SCN1A: variants seen among roughly 807,000 people sequenced by gnomAD.
SCN1A encodes sodium voltage-gated channel alpha subunit 1.
SCN1A carries 13 observed loss-of-function variants against 193.7 expected under a neutral mutation model. The observed-to-expected ratio is 0.07, with a 90% CI of 0.04 to 0.11. The LOEUF (loss-of-function observed/expected upper bound fraction) is 0.11, where lower values mean the gene tolerates loss of function less well. Among genes scored for constraint, SCN1A ranks in the 10% least tolerant of loss-of-function variants. The probability of loss-of-function intolerance (pLI) is 1.00; values close to 1 mark genes in which losing one functional copy is unlikely to be tolerated. For synonymous variants in SCN1A, 781 were observed against 843.6 expected (o/e 0.93, Z 1.29); for missense variants, 1,432 against 2,451.1 (o/e 0.58, Z 8.78).
rs887587454 is a variant in SCN1A, at chr2:165,990,335, A to C, written c.*910T>G. On this transcript the variant is annotated 3_prime_UTR_variant, in exon 29 of 29. Coordinates refer to ENST00000674923, the MANE Select transcript of SCN1A (RefSeq NM_001165963.4). ...CTGAGAGCCGAAGATGGCTAAACAAAGTGCAGGAAAAAGCAGAAATTTATA... is the reference window on the plus strand; with the variant it reads ...CTGAGAGCCGAAGATGGCTAAACAACGTGCAGGAAAAAGCAGAAATTTATA... The C allele has an allele frequency of 5.9e-5, 9 of 152,720 alleles. No individual in the cohort carries two copies. The highest frequency in any genetic ancestry group is 1.9e-4 in the African/African-American group (8 of 41,582). 9.5% of individuals were successfully genotyped at this position (152,720 alleles called of 1,614,324 possible). A position where few individuals can be genotyped will look rare whatever the true frequency, so the allele number is the denominator to read the frequency against.
chr2:166,015,921 C>G (rs1559153822), intron 19 of SCN1A, 194 bp from the exon 20 acceptor site: 1 of 604,022 alleles, frequency 1.7e-6, no homozygotes, highest in Non-Finnish European at 2.8e-6. Context: ...CCATAATTCA[C>G]AATGTAAGCT....
intron 21 of SCN1A, among the ~76,000 whole-genome samples, chr2:166,012,764 G>A (rs1692700391): frequency 6.7e-6 from 1 of 149,722 alleles, no homozygotes; most frequent in South Asian, 2.1e-4. Flanking sequence ...GTTGTTGTTT[G>A]TTATTTTTTT....
chr2:166,116,073 T>C (rs1406454140), intron 2 of SCN1A, among the ~76,000 whole-genome samples: 1 of 152,188 alleles, frequency 6.6e-6, no homozygotes, highest in African/African-American at 2.4e-5. Context: ...AGATCGACCA[T>C]GGGGTAAGAA....
Position 166,110,179 on chromosome 2 carries a change from AT to A in SCN1A, c.-142+16744del, listed in dbSNP as rs869286382. Among the ~76,000 whole-genome samples, 755 of 147,426 alleles carry A rather than the reference AT, an allele frequency of 5.1e-3. 9 individuals are homozygous for A. Among genetic ancestry groups the A allele is most frequent in the African/African-American group, 0.015 (604 of 40,450 alleles). ...CTATGTAGCCATACAAATAAAAAAA[AT>A]TTTTTTTTAATCCCTACAATGGCCT... On this transcript the variant is annotated intron_variant, in intron 2 of 28. Transcript: ENST00000674923.
intron 2 of SCN1A, among the ~76,000 whole-genome samples, chr2:166,091,966 C>G (rs1464873671): frequency 6.6e-6 from 1 of 152,130 alleles, no homozygotes; most frequent in African/African-American, 2.4e-5. Context: ...GTCCTTCCCA[C>G]CCATCTCATT....
At chr2:166,124,997 G>A (rs1045928674) in intron 2 of SCN1A, among the ~76,000 whole-genome samples, 4 of 152,164 alleles carry the variant, frequency 2.6e-5, no homozygotes, top group African/African-American at 9.7e-5. Context: ...TAGGAATGTG[G>A]ACAAAATTTA....
At chr2:166,104,849 GCTA>G (rs1688519057) in intron 2 of SCN1A, among the ~76,000 whole-genome samples, 1 of 152,190 alleles carries the variant, frequency 6.6e-6, no homozygotes, top group Non-Finnish European at 1.5e-5. Context: ...AGCCGATTTG[GCTA>G]CTTTGTGTTG....
intron 1 of SCN1A, among the ~76,000 whole-genome samples, chr2:166,147,779 G>A (rs1249778646): frequency 1.3e-5 from 2 of 152,180 alleles, no homozygotes; most frequent in African/African-American, 2.4e-5. Flanking sequence ...ACAATTGTAA[G>A]TGGTATATTT....
intron 11 of SCN1A, 93 bp from the exon 12 acceptor site, chr2:166,047,069 G>A: frequency 7.3e-7 from 1 of 1,363,736 alleles, no homozygotes; most frequent in Non-Finnish European, 1.0e-6. Context: ...GCAAAACTCA[G>A]ATATAAATAG....
rs1446706549 is a variant in SCN1A at position 166,147,924 on chromosome 2, T to G, written c.-50+1123A>C. On this transcript the variant is annotated intron_variant, in intron 1 of 26. Transcript: ENST00000635750. ...TAAAATGCAAGAAATTTTAGATACT[T>G]TAAAACTACCTGTTTACCTAGAAAG... Among the ~76,000 whole-genome samples the G allele has an allele frequency of 6.6e-5, 10 of 152,336 alleles. No individual in the cohort carries two copies. In the East Asian group the frequency reaches 1.2e-3, roughly 18 times the overall value.
chr2:166,042,424 C>T lies in SCN1A; in HGVS notation c.2044G>A (p.Gly682Arg), dbSNP rs1398374184. Residue 682 changes from glycine (G) to arginine (R), a missense_variant and splice_region_variant, in exon 15 of 29, where the codon GGA becomes AGA. Gly to Arg is a moderately radical substitution (Grantham distance 125). Coordinates refer to ENST00000674923, the MANE Select transcript of SCN1A (RefSeq NM_001165963.4). ...IIDKPATDDN[G>R]TTTETEMRKR... ...CTCATTTCAGTTTCAGTGGTTGTTC[C>T]CTGTAAAAAAAAATGCTAATGCATT... The T allele has an allele frequency of 3.1e-6, 5 of 1,613,422 alleles. No individual in the cohort carries two copies. In the African/African-American group the frequency reaches 5.3e-5, roughly 17 times the overall value.
intron 23 of SCN1A, among the ~76,000 whole-genome samples, chr2:166,007,895 A>T (rs1204497611): frequency 6.6e-6 from 1 of 151,316 alleles, no homozygotes; most frequent in Non-Finnish European, 1.5e-5. Context: ...ATCATTCATG[A>T]TTATATTTTT....
At chr2:166,029,288 A>G (rs1214519571) in intron 19 of SCN1A, among the ~76,000 whole-genome samples, 1 of 152,120 alleles carries the variant, frequency 6.6e-6, no homozygotes, top group Non-Finnish European at 1.5e-5. Flanking sequence ...TGTTTTGTCA[A>G]GACTACACTA....
At chr2:166,146,164 A>G (rs1053683545) in intron 1 of SCN1A, among the ~76,000 whole-genome samples, 1 of 152,160 alleles carries the variant, frequency 6.6e-6, no homozygotes, top group African/African-American at 2.4e-5. Context: ...ATGATGTAAG[A>G]CTAAGTCCCT....
At chr2:166,080,969 CTT>C (rs772290409) in intron 2 of SCN1A, among the ~76,000 whole-genome samples, 3 of 151,784 alleles carry the variant, frequency 2.0e-5, no homozygotes, top group Non-Finnish European at 2.9e-5. Context: ...ATTTCTAAGA[CTT>C]TACTAATTCA....
At position 166,041,193 on chromosome 2, in the gene SCN1A, T is replaced by C. The variant is rs367846035; in HGVS notation, c.2415+38A>G. 72 of 1,430,916 alleles carry C rather than the reference T, an allele frequency of 5.0e-5. No individual in the cohort carries two copies. The African/African-American group carries it at 9.8e-4, about 20-fold the overall frequency. 88.6% of individuals were successfully genotyped at this position (1,430,916 alleles called of 1,614,324 possible). On this transcript the variant is annotated intron_variant, in intron 16 of 28. Coordinates refer to ENST00000674923, the MANE Select transcript of SCN1A (RefSeq NM_001165963.4). ...TGTAAACAGTTTTTCAAGCAGAAAATTTGAAGACTAAACACATTTACCTTC... is the reference window on the plus strand; with the variant it reads ...TGTAAACAGTTTTTCAAGCAGAAAACTTGAAGACTAAACACATTTACCTTC...
In SCN1A at chr2:165,992,535, A is replaced by T; in HGVS notation, c.4853-113T>A. ...TCAGAGTCCTGAACCCAGTTATATT[A>T]AATATGACAACTATATATAATATAT... On this transcript the variant is annotated intron_variant, in intron 28 of 28. Transcript: ENST00000674923. The surrounding 1 kb of genome is among the most constrained non-coding windows in gnomAD (Gnocchi z 6.5). 1.1e-6 allele frequency: 1 copy of T among 893,212 alleles called. No homozygotes were observed. The highest frequency in any genetic ancestry group is 2.7e-5 in the East Asian group (1 of 36,974). The allele number at this position is 893,212 out of a possible 1,614,324, so 55.3% of individuals were successfully genotyped here.
In SCN1A at chr2:166,002,546, C is replaced by T. The variant is rs200406481; in HGVS notation, c.4210G>A (p.Glu1404Lys). Reference sequence around the variant, plus strand: ...TTCACATTTTTCCATCGAGCAGTCTCATTTCTTTCTATTAGTTTTAGGCAA... The same window carrying T: ...TTCACATTTTTCCATCGAGCAGTCTTATTTCTTTCTATTAGTTTTAGGCAA... ...TDCLKLIERN[E>K]TARWKNVKVN... The change falls in exon 24 of 29, where the codon GAG becomes AAG. Residue 1404 changes from glutamate to lysine, a missense_variant. By Grantham distance (56) the Glu-to-Lys change is moderately conservative. Transcript: ENST00000674923. 6 of 1,611,622 alleles carry T rather than the reference C, an allele frequency of 3.7e-6. No individual in the cohort carries two copies. Among genetic ancestry groups the T allele is most frequent in the African/African-American group, 1.3e-5 (1 of 74,726 alleles).
At chr2:166,083,421 T>A (rs889101033) in intron 2 of SCN1A, among the ~76,000 whole-genome samples, 7 of 152,072 alleles carry the variant, frequency 4.6e-5, no homozygotes, top group African/African-American at 7.2e-5. Flanking sequence ...GGGGTGTTTT[T>A]CAAGACACCC....
Sources: gnomAD v4.1 joint callset for allele counts (sites outside exome capture counted in the v4.1 genomes callset) on GRCh38, gnomAD v4.1.1 for gene constraint, Gnocchi (gnomAD v3.1) non-coding constraint, MANE v1.5 for transcripts, NCBI Gene and HGNC (gene_info 2026-07-23, HGNC 2026-07-21) for gene names.